PDS5B: variants seen among roughly 807,000 people sequenced by gnomAD.
PDS5B encodes the protein PDS5 cohesin associated factor B.
Under a neutral mutation model 184.1 loss-of-function variants are expected in PDS5B, and 51 were observed. The ratio of observed to expected loss-of-function variants is 0.28; its 90% CI spans 0.22 to 0.35. PDS5B has a LOEUF of 0.35. Ranked by LOEUF, PDS5B falls within the 10% of genes least tolerant of loss-of-function variation. The pLI is 1.00. For missense variants in PDS5B, 1,180 were observed against 1,723.3 expected (o/e 0.68, Z 5.58); for synonymous variants, 566 against 569.2 (o/e 0.99, Z 0.08).
In PDS5B at chr13:32,770,245, G is replaced by A. The variant is rs368330829; in HGVS notation, c.3749G>A (p.Arg1250Gln). The A allele has an allele frequency of 1.5e-5, 24 of 1,613,810 alleles. No individual in the cohort carries two copies. The highest frequency in any genetic ancestry group is 4.0e-5 in the African/African-American group (3 of 74,848). Residue 1250 changes from arginine to glutamine, a missense_variant, in exon 32 of 35, where the codon CGG becomes CAG. Physicochemically the swap from Arg to Gln is conservative, Grantham distance 43. Coordinates refer to ENST00000315596, the MANE Select transcript of PDS5B (RefSeq NM_015032.4). The stretch of plus-strand genomic sequence containing the variant: ...AAACCTAAAGGCAGTCAGCGAAGTC[G>A]GAAAAGAGGCCATACGGCTTCAGAA... Reference protein sequence around the residue: ...EQKPKGSQRSRKRGHTASESD... With the variant: ...EQKPKGSQRSQKRGHTASESD...
chr13:32,724,184 G>A (rs565799815), intron 19 of PDS5B, among the ~76,000 whole-genome samples: 2 of 152,142 alleles, frequency 1.3e-5, no homozygotes, highest in African/African-American at 2.4e-5. Flanking sequence ...TAGTCAGATC[G>A]TAGCTCACTG....
At chr13:32,718,136 A>G (rs1952542346) in intron 19 of PDS5B, among the ~76,000 whole-genome samples, 1 of 150,800 alleles carries the variant, frequency 6.6e-6, no homozygotes, top group Non-Finnish European at 1.5e-5. Context: ...TTTTTGATAG[A>G]TGCTGAAAGG....
intron 33 of PDS5B, 58 bp from the exon 34 acceptor site, chr13:32,773,131 G>T: frequency 7.0e-7 from 1 of 1,427,354 alleles, no homozygotes; most frequent in Admixed American, 2.3e-5. Context: ...TTCTTCTAAC[G>T]AGGTAATCTA....
At chr13:32,706,466 G>T (rs922670865) in intron 17 of PDS5B, among the ~76,000 whole-genome samples, 3 of 152,042 alleles carry the variant, frequency 2.0e-5, no homozygotes, top group African/African-American at 7.2e-5. Flanking sequence ...TTTAGGAGGA[G>T]GCCTAGGTAT....
chr13:32,765,244 A>G (rs1387748572), intron 31 of PDS5B, among the ~76,000 whole-genome samples: 3 of 152,208 alleles, frequency 2.0e-5, no homozygotes, highest in South Asian at 4.1e-4. Context: ...TCATTTCCTT[A>G]ATAACTAATT....
chr13:32,659,076 A>G, intron 5 of PDS5B, 78 bp from the exon 6 acceptor site: 1 of 1,024,818 alleles, frequency 9.8e-7, no homozygotes, highest in Non-Finnish European at 1.4e-6. Flanking sequence ...GTAAAGCATA[A>G]TGCTTGTCAG....
chr13:32,655,717 T>C (rs1214436073), intron 3 of PDS5B, among the ~76,000 whole-genome samples: 1 of 152,080 alleles, frequency 6.6e-6, no homozygotes, highest in African/African-American at 2.4e-5. Context: ...ATTAAGTTCC[T>C]TATACCTTCT....
intron 1 of PDS5B, among the ~76,000 whole-genome samples, chr13:32,630,880 A>G (rs1401139598): frequency 6.7e-6 from 1 of 149,506 alleles, no homozygotes; most frequent in African/African-American, 2.5e-5. Flanking sequence ...CGCCTCCTGG[A>G]TTCAAGTCAT....
chr13:32,612,287 C>T (rs957822924), intron 1 of PDS5B, among the ~76,000 whole-genome samples: 32 of 151,766 alleles, frequency 2.1e-4, no homozygotes, highest in South Asian at 2.1e-4. Context: ...AGGCTGGTCT[C>T]GAACCCCTGA....
At chr13:32,679,880 TGTGA>T (rs1951183584) in intron 10 of PDS5B, among the ~76,000 whole-genome samples, 1 of 100,388 alleles carries the variant, frequency 1.0e-5, no homozygotes, top group African/African-American at 5.4e-5. Context: ...CCTCTTCGTC[TGTGA>T]GTGTGTGTGT....
At chr13:32,637,940 A>G (rs1593306521) in intron 1 of PDS5B, among the ~76,000 whole-genome samples, 1 of 152,154 alleles carries the variant, frequency 6.6e-6, no homozygotes, top group Non-Finnish European at 1.5e-5. Context: ...AATTGTGTAT[A>G]TTGGCAATTT....
chr13:32,695,891 C>T (rs1951687907), intron 14 of PDS5B, among the ~76,000 whole-genome samples: 1 of 151,940 alleles, frequency 6.6e-6, no homozygotes. Flanking sequence ...TTTTGCTTGT[C>T]TTAAAATAAT....
intron 1 of PDS5B, among the ~76,000 whole-genome samples, chr13:32,613,492 A>G (rs916422906): frequency 1.3e-5 from 2 of 152,180 alleles, no homozygotes; most frequent in Admixed American, 6.5e-5. Flanking sequence ...ATGATTAATG[A>G]TGCTGAGCAT....
chr13:32,607,800 C>T (rs773349845), intron 1 of PDS5B, among the ~76,000 whole-genome samples: 8 of 152,348 alleles, frequency 5.3e-5, no homozygotes, highest in Middle Eastern at 3.4e-3. Context: ...CCTTGCAGTT[C>T]GATCTCAGAC....
At chr13:32,683,809 G>C in intron 10 of PDS5B, 69 bp from the exon 11 acceptor site, 2 of 1,013,354 alleles carry the variant, frequency 2.0e-6, no homozygotes, top group Non-Finnish European at 3.0e-6. Flanking sequence ...ATTTTCAAGG[G>C]TATCATGCAG....
intron 26 of PDS5B, among the ~76,000 whole-genome samples, chr13:32,757,565 C>CT (rs1954228513): frequency 6.6e-6 from 1 of 152,138 alleles, no homozygotes; most frequent in Non-Finnish European, 1.5e-5. Flanking sequence ...CTGAAGCTTT[C>CT]TTTTAATTTT....
intron 25 of PDS5B, among the ~76,000 whole-genome samples, chr13:32,754,703 T>C (rs971185527): frequency 3.9e-5 from 6 of 152,166 alleles, no homozygotes; most frequent in African/African-American, 1.4e-4. Context: ...TTTCCTTATT[T>C]GCAAAATTGA....
At chr13:32,642,275 T>C (rs1424452452) in intron 1 of PDS5B, among the ~76,000 whole-genome samples, 1 of 152,206 alleles carries the variant, frequency 6.6e-6, no homozygotes, top group Non-Finnish European at 1.5e-5. Context: ...GAGTGCCTAC[T>C]ACTGATAGTA....
At chr13:32,635,643 G>C (rs2058539068) in intron 1 of PDS5B, among the ~76,000 whole-genome samples, 1 of 149,902 alleles carries the variant, frequency 6.7e-6, no homozygotes, top group Admixed American at 6.7e-5. Flanking sequence ...TGCCTGGCCT[G>C]GCCTTTTTGA....
Sources: allele counts gnomAD v4.1 joint callset (sites outside exome capture counted in the v4.1 genomes callset), GRCh38; gene constraint gnomAD v4.1.1; transcripts MANE v1.5; gene names NCBI Gene and HGNC (gene_info 2026-07-23, HGNC 2026-07-21).